The following GOSR1 variants were observed in gnomAD, a reference collection of about 807,000 sequenced individuals.
The protein encoded by GOSR1 is golgi SNAP receptor complex member 1.
Under a neutral mutation model 35.5 loss-of-function variants are expected in GOSR1, and 21 were observed. The observed-to-expected ratio is 0.59, with a 90% confidence interval of 0.42 to 0.85. The LOEUF (loss-of-function observed/expected upper bound fraction) is 0.85, where lower values mean the gene tolerates loss of function less well. Among genes scored for constraint, GOSR1 ranks in the 40% least tolerant of loss-of-function variants. The probability of loss-of-function intolerance (pLI) is 0.00; values close to 1 mark genes in which losing one functional copy is unlikely to be tolerated. For missense variants in GOSR1, 285 were observed against 309.6 expected (o/e 0.92, Z 0.60); for synonymous variants, 94 against 106.6 (o/e 0.88, Z 0.73).
chr17:30,520,127 C>T, intron 8 of GOSR1, 106 bp downstream of exon 8: 1 of 720,280 alleles, frequency 1.4e-6, no homozygotes, highest in South Asian at 1.6e-5. Flanking sequence ...GCAGTAGAGC[C>T]CATCAGTAAT....
In GOSR1 at chr17:30,505,162, C is replaced by T. The variant is rs368027212; in HGVS notation, c.510-5718C>T. Among the ~76,000 whole-genome samples, 17 of 152,186 alleles carry T rather than the reference C, an allele frequency of 1.1e-4. 1 individual carries two copies. The highest frequency in any genetic ancestry group is 5.8e-4 in the East Asian group (3 of 5,184). On this transcript the variant is annotated intron_variant, in intron 6 of 8. Transcript: ENST00000451249. ...ATTGGAATTGGGTTTTTGTTATTGTCGTTTGGTACATTGGTCACTTTATAA... is the reference window on the plus strand; with the variant it reads ...ATTGGAATTGGGTTTTTGTTATTGTTGTTTGGTACATTGGTCACTTTATAA...
Position 30,525,881 on chromosome 17 carries a change from G to A in GOSR1, c.*3503G>A, listed in dbSNP as rs986577299. 6.6e-6 allele frequency: 1 copy of A among 152,312 alleles called. No individual in the cohort carries two copies. The highest frequency in any genetic ancestry group is 1.5e-5 in the Non-Finnish European group (1 of 68,022). The allele number at this position is 152,312 out of a possible 1,614,324, so 9.4% of individuals were successfully genotyped here. A position where few individuals can be genotyped will look rare whatever the true frequency, so the allele number is the denominator to read the frequency against. The stretch of plus-strand genomic sequence containing the variant: ...TGGTATGGATGTTGGTGTCAGATAG[G>A]TCTGACTAACCTCTCCGTGCTGCAG... On this transcript the variant is annotated 3_prime_UTR_variant, in exon 9 of 9. Coordinates refer to ENST00000451249, the MANE Select transcript of GOSR1 (RefSeq NM_001007025.2).
intron 6 of GOSR1, among the ~76,000 whole-genome samples, chr17:30,504,267 TC>T (rs765400526): frequency 4.5e-4 from 69 of 152,106 alleles, no homozygotes; most frequent in Non-Finnish European, 8.5e-4. Flanking sequence ...CCTCAGGTGA[TC>T]CACCTGCCTC....
chr17:30,519,318 C>T lies in GOSR1; in HGVS notation c.540-621C>T, dbSNP rs557831264. Among the ~76,000 whole-genome samples the T allele has an allele frequency of 4.6e-5, 7 of 152,220 alleles. No individual in the cohort carries two copies. In the South Asian group the frequency reaches 1.0e-3, roughly 23 times the overall value. On this transcript the variant is annotated intron_variant, in intron 7 of 8. Coordinates refer to ENST00000451249, the MANE Select transcript of GOSR1 (RefSeq NM_001007025.2). Reference sequence around the variant, plus strand: ...TCCTCCCACCTCGGTCTTCCAAATTCGGTGCTGGGATTACAGACGTGAGCC... The same window carrying T: ...TCCTCCCACCTCGGTCTTCCAAATTTGGTGCTGGGATTACAGACGTGAGCC...
At chr17:30,496,091 T>C (rs531880872) in intron 6 of GOSR1, among the ~76,000 whole-genome samples, 1 of 152,306 alleles carries the variant, frequency 6.6e-6, no homozygotes, top group South Asian at 2.1e-4. Flanking sequence ...TTCTATAAAT[T>C]GACCTATAGG....
In GOSR1 at chr17:30,522,253, G is replaced by T; in HGVS notation, c.623-1G>T. On this transcript the variant is annotated splice_acceptor_variant, in intron 8 of 8. Transcript: ENST00000451249. LOFTEE classifies it high-confidence loss of function. ...ATGACCTTAATAAAGATTTCCCAAA[G>T]ATCGTTTTCCTGCTGTAAACAGCCT... is the stretch of plus-strand genomic sequence containing the variant. 6.3e-7 allele frequency: 1 copy of T among 1,597,018 alleles called. No homozygotes were observed. The highest frequency in any genetic ancestry group is 2.2e-5 in the East Asian group (1 of 44,480).
In GOSR1 at chr17:30,490,378, C is replaced by T; in HGVS notation, c.434+161C>T. On this transcript the variant is annotated intron_variant, in intron 5 of 8. Coordinates refer to ENST00000451249, the MANE Select transcript of GOSR1 (RefSeq NM_001007025.2). Reference sequence around the variant, plus strand: ...TTTAACATTGCTGCTACAATGTCATCCTAATCTACTTTTCCATTTTTATCT... The same window carrying T: ...TTTAACATTGCTGCTACAATGTCATTCTAATCTACTTTTCCATTTTTATCT... The T allele has an allele frequency of 8.1e-6, 4 of 494,302 alleles. No individual in the cohort carries two copies. The South Asian group carries it at 1.1e-4, about 14-fold the overall frequency. The allele number at this position is 494,302 out of a possible 1,614,324, so 30.6% of individuals were successfully genotyped here.
intron 4 of GOSR1, among the ~76,000 whole-genome samples, chr17:30,489,644 C>T (rs944894367): frequency 6.6e-6 from 1 of 152,098 alleles, no homozygotes; most frequent in African/African-American, 2.4e-5. Context: ...AACAGTGGTA[C>T]AAAAATAGTA....
At chr17:30,503,860 C>T (rs917851533) in intron 6 of GOSR1, among the ~76,000 whole-genome samples, 1 of 152,130 alleles carries the variant, frequency 6.6e-6, no homozygotes, top group Non-Finnish European at 1.5e-5. Context: ...GAGCAGGACT[C>T]CTGCGTACTC....
chr17:30,508,521 C>G (rs1967489996), intron 6 of GOSR1, among the ~76,000 whole-genome samples: 1 of 152,196 alleles, frequency 6.6e-6, no homozygotes, highest in East Asian at 1.9e-4. Flanking sequence ...TGTCTATCTC[C>G]ATTGTAAGAT....
chr17:30,477,571 C>T (rs1914021655), intron 1 of GOSR1, 107 bp downstream of exon 1: 15 of 1,429,110 alleles, frequency 1.0e-5, no homozygotes, highest in Non-Finnish European at 1.4e-5. Context: ...CCCGGAGCGG[C>T]CGAGCTGAGC....
intron 4 of GOSR1, among the ~76,000 whole-genome samples, chr17:30,485,750 A>C (rs1555613398): frequency 2.0e-5 from 3 of 152,208 alleles, no homozygotes; most frequent in Non-Finnish European, 2.9e-5. Context: ...GGCCGGGCGC[A>C]GTGGCTCGTG....
intron 4 of GOSR1, among the ~76,000 whole-genome samples, chr17:30,487,864 G>A (rs1401487269): frequency 6.6e-6 from 1 of 151,838 alleles, no homozygotes; most frequent in Admixed American, 6.6e-5. Context: ...CAGCCTCCAC[G>A]TCCTGGGTTC....
intron 1 of GOSR1, 64 bp from the exon 2 acceptor site, chr17:30,481,078 AT>A: frequency 9.9e-7 from 1 of 1,012,342 alleles, no homozygotes; most frequent in Non-Finnish European, 1.6e-6. Flanking sequence ...TTTCTTTAGA[AT>A]GGTGCTGTGA....
In GOSR1 at chr17:30,526,952, C is replaced by T. The variant is rs979983873; in HGVS notation, c.*4574C>T. On this transcript the variant is annotated 3_prime_UTR_variant, in exon 9 of 9. Coordinates refer to ENST00000451249, the MANE Select transcript of GOSR1 (RefSeq NM_001007025.2). Reference sequence around the variant, plus strand: ...ATGAAATAATACAGGTGCTGAAAAGCTGTCACATGTCATTCAGAAACCATC... The same window carrying T: ...ATGAAATAATACAGGTGCTGAAAAGTTGTCACATGTCATTCAGAAACCATC... 2.6e-5 allele frequency: 4 copies of T among 152,122 alleles called. No individual in the cohort carries two copies. The highest frequency in any genetic ancestry group is 9.7e-5 in the African/African-American group (4 of 41,404). 9.4% of individuals were successfully genotyped at this position (152,122 alleles called of 1,614,324 possible). A position where few individuals can be genotyped will look rare whatever the true frequency, so the allele number is the denominator to read the frequency against.
chr17:30,487,112 AT>A (rs1320017799), intron 4 of GOSR1, among the ~76,000 whole-genome samples: 4 of 152,190 alleles, frequency 2.6e-5, no homozygotes, highest in East Asian at 1.9e-4. Flanking sequence ...GAGAAAAAAA[AT>A]AAATAAATAA....
chr17:30,478,061 A>G (rs1914069027), intron 1 of GOSR1: 1 of 369,204 alleles, frequency 2.7e-6, no homozygotes, highest in South Asian at 1.1e-4. Flanking sequence ...TCTAGAGTCT[A>G]GAATCGGTTT....
At chr17:30,483,782 A>G (rs1272613532) in intron 2 of GOSR1, among the ~76,000 whole-genome samples, 4 of 152,270 alleles carry the variant, frequency 2.6e-5, no homozygotes, top group Non-Finnish European at 5.9e-5. Context: ...TTTCACTTGT[A>G]AAAAGATAGA....
intron 7 of GOSR1, among the ~76,000 whole-genome samples, chr17:30,517,671 A>G (rs1567917446): frequency 6.6e-6 from 1 of 151,538 alleles, no homozygotes; most frequent in Non-Finnish European, 1.5e-5. Flanking sequence ...TCTTTTACAG[A>G]TTGAATGTTG....
Sources: gnomAD v4.1 joint callset for allele counts (sites outside exome capture counted in the v4.1 genomes callset) on GRCh38, gnomAD v4.1.1 for gene constraint, MANE v1.5 for transcripts, NCBI Gene and HGNC (gene_info 2026-07-23, HGNC 2026-07-21) for gene names.